The following TPRG1 variants were observed in gnomAD, a reference collection of about 807,000 sequenced individuals.
TPRG1 encodes the protein tumor protein p63 regulated 1, also known as tumor protein p63-regulated gene 1 protein.
Under a neutral mutation model 29.3 loss-of-function variants are expected in TPRG1, and 29 were observed. That is an observed-to-expected ratio of 0.99 (90% CI 0.74 to 1.35). TPRG1 has a LOEUF of 1.35. TPRG1 is among the 40% of genes most tolerant of loss of function. The pLI is 0.00. For synonymous variants in TPRG1, 130 were observed against 116.8 expected (o/e 1.11, Z -0.73); for missense variants, 327 against 335.0 (o/e 0.98, Z 0.19).
rs373028803 is a variant in TPRG1 at position 189,191,008 on chromosome 3, G to A, written c.-9-16368G>A. ...ACAGGTAGGTCTTTTAATTTTCTCA[G>A]GACATTTACTGTCTATTCTGGCTAA... On this transcript the variant is annotated intron_variant, in intron 1 of 5. Transcript: ENST00000345063. The A allele has an allele frequency of 4.1e-6, 4 of 984,944 alleles. No individual in the cohort carries two copies. The African/African-American group carries it at 5.2e-5, about 13-fold the overall frequency. 61.0% of individuals were successfully genotyped at this position (984,944 alleles called of 1,614,324 possible). A position where few individuals can be genotyped will look rare whatever the true frequency, so the allele number is the denominator to read the frequency against.
chr3:189,192,870 T>A (rs116397845), intron 1 of TPRG1, among the ~76,000 whole-genome samples: 22 of 152,328 alleles, frequency 1.4e-4, no homozygotes, highest in African/African-American at 5.1e-4. Context: ...TCCAATCTAG[T>A]GGTGATGAAC....
intron 4 of TPRG1, among the ~76,000 whole-genome samples, chr3:189,252,849 G>A (rs1395397190): frequency 6.6e-6 from 1 of 151,994 alleles, no homozygotes; most frequent in Non-Finnish European, 1.5e-5. Context: ...TTTACTTGTC[G>A]ACTCTCCCAT....
chr3:189,308,343 G>A (rs917170825), intron 4 of TPRG1, among the ~76,000 whole-genome samples: 5 of 152,142 alleles, frequency 3.3e-5, no homozygotes, highest in African/African-American at 1.2e-4. Flanking sequence ...ATGTGAGTAC[G>A]TTACTATTAA....
intron 3 of TPRG1, among the ~76,000 whole-genome samples, chr3:189,006,620 A>G (rs898801959): frequency 6.6e-6 from 1 of 152,086 alleles, no homozygotes; most frequent in East Asian, 1.9e-4. Context: ...ACTACAAGAA[A>G]GTGTGTGGAG....
At chr3:189,274,139 G>C (rs1333910360) in intron 4 of TPRG1, among the ~76,000 whole-genome samples, 1 of 150,256 alleles carries the variant, frequency 6.7e-6, no homozygotes, top group South Asian at 2.1e-4. Flanking sequence ...TCCATGGAGT[G>C]ATTTTTAGAA....
chr3:189,174,687 G>A (rs1051138734), intron 1 of TPRG1, among the ~76,000 whole-genome samples: 7 of 152,144 alleles, frequency 4.6e-5, no homozygotes, highest in African/African-American at 1.7e-4. Flanking sequence ...AGAACATACC[G>A]TTGGCTCTGA....
chr3:189,096,084 C>A (rs551905302), upstream of TPRG1, among the ~76,000 whole-genome samples: 7 of 152,330 alleles, frequency 4.6e-5, no homozygotes, highest in Admixed American at 3.9e-4. Flanking sequence ...TTTTCATGTG[C>A]ACATTAATCT....
chr3:189,159,090 T>C (rs1245946034), intron 5 of TPRG1, among the ~76,000 whole-genome samples: 1 of 152,170 alleles, frequency 6.6e-6, no homozygotes, highest in Non-Finnish European at 1.5e-5. Flanking sequence ...GAAGATGTGC[T>C]CCTCTCACAC....
At chr3:189,193,132 ATTTT>A (rs555964454) in intron 1 of TPRG1, among the ~76,000 whole-genome samples, 2 of 90,248 alleles carry the variant, frequency 2.2e-5, no homozygotes, top group Admixed American at 1.3e-4. Context: ...TTGACTTTTA[ATTTT>A]TTTTTTTTTT....
chr3:189,196,498 A>G (rs566170672), intron 1 of TPRG1, among the ~76,000 whole-genome samples: 5 of 152,254 alleles, frequency 3.3e-5, no homozygotes, highest in East Asian at 3.9e-4. Flanking sequence ...GGGAAGCAAG[A>G]CACATCTTAC....
At chr3:189,285,275 G>A (rs981739839) in intron 4 of TPRG1, among the ~76,000 whole-genome samples, 4 of 152,188 alleles carry the variant, frequency 2.6e-5, no homozygotes, top group African/African-American at 9.7e-5. Flanking sequence ...GTTATAAGAA[G>A]TTTGGGAAAG....
chr3:189,144,694 T>C (rs920361601), intron 3 of TPRG1, among the ~76,000 whole-genome samples: 1 of 145,688 alleles, frequency 6.9e-6, no homozygotes, highest in Non-Finnish European at 1.5e-5. Flanking sequence ...AACTGATTCA[T>C]GGGTATTTTG....
intron 4 of TPRG1, among the ~76,000 whole-genome samples, chr3:189,247,320 A>G (rs1236379957): frequency 6.6e-6 from 1 of 151,920 alleles, no homozygotes; most frequent in Non-Finnish European, 1.5e-5. Flanking sequence ...TCTTTAGTAT[A>G]GGTTTTATTT....
intron 3 of TPRG1, among the ~76,000 whole-genome samples, chr3:189,133,935 G>A (rs1415466662): frequency 6.6e-6 from 1 of 152,202 alleles, no homozygotes; most frequent in African/African-American, 2.4e-5. Context: ...GCCAACTCAA[G>A]TTGACACAAC....
At chr3:189,122,530 G>A (rs1028076293) in intron 1 of TPRG1, among the ~76,000 whole-genome samples, 3 of 152,138 alleles carry the variant, frequency 2.0e-5, no homozygotes, top group Non-Finnish European at 4.4e-5. Flanking sequence ...AGAGTATTTT[G>A]CGTAGCATGG....
rs113654622 is a variant in TPRG1 at position 189,285,142 on chromosome 3, C to A, written c.480-25244C>A. Among the ~76,000 whole-genome samples the A allele has an allele frequency of 1.1e-3, 162 of 152,174 alleles. 1 individual carries two copies. Among genetic ancestry groups the A allele is most frequent in the Middle Eastern group, 3.4e-3 (1 of 294 alleles). On this transcript the variant is annotated intron_variant, in intron 4 of 5. Coordinates refer to ENST00000345063, the MANE Select transcript of TPRG1 (RefSeq NM_198485.4). ...ACAAGTGGGCGAAGGATATGAACAGCCACTTCTCAAAAGAAGACATTTATG... is the reference window on the plus strand; with the variant it reads ...ACAAGTGGGCGAAGGATATGAACAGACACTTCTCAAAAGAAGACATTTATG...
At chr3:189,128,926 C>T (rs1163423973) in intron 2 of TPRG1, among the ~76,000 whole-genome samples, 4 of 152,158 alleles carry the variant, frequency 2.6e-5, no homozygotes, top group African/African-American at 9.7e-5. Flanking sequence ...TGAGCTGCCG[C>T]ACCCGGCCCA....
chr3:189,059,462 T>G (rs1560420092), intron 4 of TPRG1, among the ~76,000 whole-genome samples: 1 of 151,876 alleles, frequency 6.6e-6, no homozygotes, highest in African/African-American at 2.4e-5. Context: ...TGTGGTGGCA[T>G]GCGCCTGTAG....
At chr3:189,049,435 T>G (rs1369907775) in intron 4 of TPRG1, among the ~76,000 whole-genome samples, 2 of 151,928 alleles carry the variant, frequency 1.3e-5, no homozygotes, top group African/African-American at 4.8e-5. Context: ...TCCTCCTAGG[T>G]ACACAACTCC....
Sources: allele counts gnomAD v4.1 joint callset (sites outside exome capture counted in the v4.1 genomes callset), GRCh38; gene constraint gnomAD v4.1.1; transcripts MANE v1.5; gene names NCBI Gene and HGNC (gene_info 2026-07-23, HGNC 2026-07-21).